Variants in TSPAN5 observed in about 807,000 individuals in gnomAD.
TSPAN5 encodes tetraspanin 5, also known as tetraspanin-5.
Under a neutral mutation model 37.1 loss-of-function variants are expected in TSPAN5, and 10 were observed. The observed-to-expected ratio is 0.27, with a 90% CI of 0.17 to 0.46. The LOEUF is 0.46. Ranked by LOEUF, TSPAN5 falls within the 20% of genes least tolerant of loss-of-function variation. The pLI is 1.00. For synonymous variants in TSPAN5, 110 were observed against 118.9 expected, an observed-to-expected ratio of 0.93 and a Z score of 0.48; for missense variants, 195 against 326.6, an observed-to-expected ratio of 0.60 and a Z score of 3.11.
rs149449613 is a variant in TSPAN5, at chr4:98,571,451, CTTTT to C, written c.82-63727_82-63724del. Among the ~76,000 whole-genome samples the C allele has an allele frequency of 4.4e-3, 578 of 132,444 alleles. 8 individuals carry two copies. The highest frequency in any genetic ancestry group is 0.014 in the African/African-American group (507 of 35,926). The allele number at this position is 132,444 out of a possible 152,430, so 86.9% of individuals were successfully genotyped here. Reference sequence around the variant, plus strand: ...GAAGTTCTCCCACAAACCGTTCTGGCTTTTTTTTTTTTTTTTCAAATTTACAATG... The same window carrying C: ...GAAGTTCTCCCACAAACCGTTCTGGCTTTTTTTTTTTTCAAATTTACAATG... On this transcript the variant is annotated intron_variant, in intron 1 of 7. Coordinates refer to ENST00000305798, the MANE Select transcript of TSPAN5 (RefSeq NM_005723.4).
chr4:98,499,498 C>A (rs916674326), intron 2 of TSPAN5, among the ~76,000 whole-genome samples: 9 of 152,172 alleles, frequency 5.9e-5, no homozygotes, highest in Non-Finnish European at 1.3e-4. Context: ...AAATTTTCAT[C>A]CCTAAGAAAC....
intron 4 of TSPAN5, among the ~76,000 whole-genome samples, chr4:98,480,284 A>C (rs1752810078): frequency 6.6e-6 from 1 of 152,238 alleles, no homozygotes; most frequent in Non-Finnish European, 1.5e-5. Context: ...TATAGTTGAT[A>C]TATCCATTAC....
intron 1 of TSPAN5, among the ~76,000 whole-genome samples, chr4:98,649,840 C>G (rs1414457246): frequency 6.6e-6 from 1 of 152,170 alleles, no homozygotes; most frequent in Non-Finnish European, 1.5e-5. Context: ...GTGTTTCATT[C>G]TGGTTGCTGC....
intron 1 of TSPAN5, among the ~76,000 whole-genome samples, chr4:98,609,503 C>G (rs1373354640): frequency 6.6e-6 from 1 of 152,174 alleles, no homozygotes; most frequent in Non-Finnish European, 1.5e-5. Context: ...CTCTGAAAAA[C>G]AGTGGCAACA....
rs542740355 is a variant in TSPAN5 at position 98,553,795 on chromosome 4, G to A, written c.82-46067C>T. On this transcript the variant is annotated intron_variant, in intron 1 of 7. Coordinates refer to ENST00000305798, the MANE Select transcript of TSPAN5 (RefSeq NM_005723.4). ...GAAAATGTCAAAAGCAGCTGGGCAC[G>A]GTGGCTCACGCCTGTAATCCTAGCA... is the stretch of plus-strand genomic sequence containing the variant. Among the ~76,000 whole-genome samples, 9 of 152,238 alleles carry A rather than the reference G, an allele frequency of 5.9e-5. No homozygotes were observed. In the East Asian group the frequency reaches 7.7e-4, roughly 13 times the overall value.
At chr4:98,606,976 A>G (rs1756051423) in intron 1 of TSPAN5, among the ~76,000 whole-genome samples, 1 of 152,084 alleles carries the variant, frequency 6.6e-6, no homozygotes. Context: ...TCCTCAGCTC[A>G]ACTCCCCATA....
intron 1 of TSPAN5, among the ~76,000 whole-genome samples, chr4:98,644,715 G>A (rs1021157590): frequency 2.0e-5 from 3 of 152,126 alleles, no homozygotes; most frequent in Admixed American, 6.5e-5. Context: ...AAGAGGAGAG[G>A]AGGAAGCCCA....
chr4:98,535,859 T>C (rs1220653651), intron 1 of TSPAN5, among the ~76,000 whole-genome samples: 1 of 152,242 alleles, frequency 6.6e-6, no homozygotes, highest in Admixed American at 6.5e-5. Flanking sequence ...CACGAAGTTC[T>C]TGTGCTGTTT....
intron 4 of TSPAN5, among the ~76,000 whole-genome samples, chr4:98,479,213 G>A (rs1179402181): frequency 6.6e-6 from 1 of 152,224 alleles, no homozygotes; most frequent in East Asian, 1.9e-4. Context: ...GGGGTTATGG[G>A]TGGGCTAACT....
chr4:98,577,354 A>G (rs1011702369), intron 1 of TSPAN5, among the ~76,000 whole-genome samples: 21 of 152,136 alleles, frequency 1.4e-4, no homozygotes, highest in African/African-American at 5.1e-4. Flanking sequence ...ATTTGCCAAG[A>G]AACTTGCCAA....
intron 1 of TSPAN5, among the ~76,000 whole-genome samples, chr4:98,524,113 A>G (rs944003585): frequency 2.0e-5 from 3 of 152,368 alleles, no homozygotes; most frequent in Admixed American, 6.5e-5. Context: ...AAAAGAAACT[A>G]TCACATCATC....
At chr4:98,543,650 C>A (rs1754409789) in intron 1 of TSPAN5, among the ~76,000 whole-genome samples, 1 of 151,812 alleles carries the variant, frequency 6.6e-6, no homozygotes, top group Non-Finnish European at 1.5e-5. Flanking sequence ...GAACTCCTGA[C>A]CTCAAGTGAT....
chr4:98,561,201 C>T (rs1270498295), intron 1 of TSPAN5, among the ~76,000 whole-genome samples: 1 of 152,188 alleles, frequency 6.6e-6, no homozygotes, highest in Non-Finnish European at 1.5e-5. Context: ...TCACATAAAA[C>T]GGAACACAAT....
chr4:98,617,781 C>T (rs996424863), intron 1 of TSPAN5, among the ~76,000 whole-genome samples: 1 of 152,182 alleles, frequency 6.6e-6, no homozygotes, highest in East Asian at 1.9e-4. Context: ...GCGGTGCCAG[C>T]CCACCAGCTG....
At chr4:98,521,826 TTTTG>T (rs1356691352) in intron 1 of TSPAN5, among the ~76,000 whole-genome samples, 1 of 138,682 alleles carries the variant, frequency 7.2e-6, no homozygotes, top group African/African-American at 2.6e-5. Context: ...TTGAATTTTA[TTTTG>T]TTTTTGTGGG....
chr4:98,652,199 C>T (rs12507328), intron 1 of TSPAN5, among the ~76,000 whole-genome samples: 80,035 of 151,780 alleles, frequency 0.53, 22,594 homozygotes, highest in African/African-American at 0.74. Context: ...TCAGACAATG[C>T]GCAAGACACT....
chr4:98,616,669 A>G (rs1454715576), intron 1 of TSPAN5, among the ~76,000 whole-genome samples: 1 of 152,118 alleles, frequency 6.6e-6, no homozygotes, highest in Non-Finnish European at 1.5e-5. Context: ...TGCCACTGTA[A>G]TAATATGTTT....
chr4:98,492,428 C>A (rs991462188), intron 2 of TSPAN5, among the ~76,000 whole-genome samples: 2 of 152,124 alleles, frequency 1.3e-5, no homozygotes, highest in Admixed American at 6.5e-5. Flanking sequence ...TGTGTCACTC[C>A]AGGAGCCTTA....
chr4:98,502,653 T>C (rs1336120649), intron 2 of TSPAN5, among the ~76,000 whole-genome samples: 2 of 151,980 alleles, frequency 1.3e-5, no homozygotes, highest in African/African-American at 4.8e-5. Flanking sequence ...AGTGAAAAAG[T>C]GAAAGATACC....
Sources: allele counts gnomAD v4.1 joint callset (sites outside exome capture counted in the v4.1 genomes callset), GRCh38; gene constraint gnomAD v4.1.1; transcripts MANE v1.5; gene names NCBI Gene and HGNC (gene_info 2026-07-23, HGNC 2026-07-21).